Variants in FAF1 observed in about 807,000 individuals in gnomAD.
The protein encoded by FAF1 is FAS-associated factor 1.
Under a neutral mutation model 92.5 loss-of-function variants are expected in FAF1, and 25 were observed. The observed-to-expected ratio is 0.27, with a 90% CI of 0.20 to 0.38. FAF1 has a LOEUF of 0.38. Among genes scored for constraint, FAF1 ranks in the 10% least tolerant of loss-of-function variants. The probability of loss-of-function intolerance (pLI) is 1.00; values close to 1 mark genes in which losing one functional copy is unlikely to be tolerated. For synonymous variants in FAF1, 234 were observed against 273.2 expected, an observed-to-expected ratio of 0.86 and a Z score of 1.42; for missense variants, 636 against 793.3, an observed-to-expected ratio of 0.80 and a Z score of 2.38.
At chr1:50,474,110 T>C (rs1055794780) in intron 18 of FAF1, among the ~76,000 whole-genome samples, 4 of 152,234 alleles carry the variant, frequency 2.6e-5, no homozygotes, top group Non-Finnish European at 4.4e-5. Context: ...ATTCCTTTCT[T>C]AGAAAATGCT....
At chr1:50,759,212 C>T (rs1660213387) in intron 4 of FAF1, among the ~76,000 whole-genome samples, 1 of 151,826 alleles carries the variant, frequency 6.6e-6, no homozygotes, top group Admixed American at 6.6e-5. Flanking sequence ...AGGTTAGTTA[C>T]ATATGTATAC....
rs939192833 is a variant in FAF1 at position 50,596,139 on chromosome 1, G to C, written c.822C>G (p.Thr274=). Residue 274 remains threonine (T), a synonymous_variant, in exon 9 of 19, where the codon ACC becomes ACG. Transcript: ENST00000396153. The part of the protein sequence containing the change: ...TVGRRSSPAQ[T]REQSEEQITD... ...GGCTTACTTCTTCCGACTGTTCCCG[G>C]GTCTGTGCAGGTGAAGATCTTCTTC... The C allele has an allele frequency of 3.7e-6, 6 of 1,613,702 alleles. No individual in the cohort carries two copies. The highest frequency in any genetic ancestry group is 4.2e-6 in the Non-Finnish European group (5 of 1,179,700).
At chr1:50,574,896 C>CTGTTTTTTTTTTGTTT (rs1558000811) in intron 12 of FAF1, among the ~76,000 whole-genome samples, 3 of 122,886 alleles carry the variant, frequency 2.4e-5, no homozygotes, top group South Asian at 2.7e-4. Flanking sequence ...GTTGTATTAA[C>CTGTTTTTTTTTTGTTT]TCTTTTTTTT....
chr1:50,957,500 C>T (rs530153806), intron 1 of FAF1, among the ~76,000 whole-genome samples: 114 of 151,864 alleles, frequency 7.5e-4, no homozygotes, highest in African/African-American at 2.5e-3. Context: ...TACAGGCGCC[C>T]GCCACCTCGA....
chr1:50,679,446 G>GAA (rs750339675), intron 7 of FAF1, among the ~76,000 whole-genome samples: 3 of 127,980 alleles, frequency 2.3e-5, no homozygotes, highest in Admixed American at 8.1e-5. Context: ...CTTCACAGAT[G>GAA]AAAAAAAAAA....
chr1:50,622,255 T>G (rs1246817736), intron 8 of FAF1, among the ~76,000 whole-genome samples: 1 of 152,074 alleles, frequency 6.6e-6, no homozygotes, highest in Non-Finnish European at 1.5e-5. Context: ...GTAGCTAGGC[T>G]GGTCTGTGGC....
At chr1:50,450,289 T>C (rs975234061) in intron 18 of FAF1, among the ~76,000 whole-genome samples, 2 of 152,104 alleles carry the variant, frequency 1.3e-5, no homozygotes, top group African/African-American at 4.8e-5. Flanking sequence ...GTCCCAACAA[T>C]TCTATGAGAT....
intron 18 of FAF1, among the ~76,000 whole-genome samples, chr1:50,463,298 G>A (rs547256799): frequency 9.1e-4 from 139 of 152,204 alleles, no homozygotes; most frequent in Non-Finnish European, 1.6e-3. Context: ...GGAAGGTTGT[G>A]CCTGGTTTCC....
chr1:50,591,885 C>T (rs1415978403), intron 9 of FAF1, among the ~76,000 whole-genome samples: 1 of 152,036 alleles, frequency 6.6e-6, no homozygotes, highest in Non-Finnish European at 1.5e-5. Flanking sequence ...AATATGATTC[C>T]TTTGATTCTT....
intron 7 of FAF1, among the ~76,000 whole-genome samples, chr1:50,657,671 C>T (rs531922592): frequency 9.8e-4 from 149 of 152,326 alleles, no homozygotes; most frequent in African/African-American, 3.1e-3. Flanking sequence ...CCAATTATAG[C>T]ATTTTGTTTT....
chr1:50,499,059 T>A lies in FAF1; in HGVS notation c.1495-7258A>T, dbSNP rs547081587. 1.2e-4 allele frequency among the ~76,000 whole-genome samples: 19 copies of A among 152,320 alleles called. No homozygotes were observed. In the South Asian group the frequency reaches 3.9e-3, roughly 32 times the overall value. On this transcript the variant is annotated intron_variant, in intron 15 of 18. Coordinates refer to ENST00000396153, the MANE Select transcript of FAF1 (RefSeq NM_007051.3). Reference sequence around the variant, plus strand: ...TATTTAGCTATAAAAAGATTTTAAATTCTTATATCTACTATAACATAGATG... The same window carrying A: ...TATTTAGCTATAAAAAGATTTTAAAATCTTATATCTACTATAACATAGATG...
chr1:50,867,809 T>G (rs1165341504), intron 1 of FAF1, among the ~76,000 whole-genome samples: 1 of 152,156 alleles, frequency 6.6e-6, no homozygotes, highest in Non-Finnish European at 1.5e-5. Flanking sequence ...CATCATTTTA[T>G]CCAGCAATCC....
At chr1:50,455,930 G>A (rs1199739725) in intron 18 of FAF1, among the ~76,000 whole-genome samples, 4 of 152,060 alleles carry the variant, frequency 2.6e-5, no homozygotes, top group Admixed American at 1.3e-4. Flanking sequence ...TAAATTAGCC[G>A]GGCAGTAGAT....
chr1:50,744,553 T>A, intron 5 of FAF1, 131 bp downstream of exon 5: 1 of 643,966 alleles, frequency 1.6e-6, no homozygotes, highest in Non-Finnish European at 2.7e-6. Context: ...GCTGATTCCT[T>A]AAACTAAATT....
At chr1:50,643,333 T>C (rs867716583) in intron 8 of FAF1, among the ~76,000 whole-genome samples, 1 of 148,610 alleles carries the variant, frequency 6.7e-6, no homozygotes, top group Non-Finnish European at 1.5e-5. Flanking sequence ...TCCATTCTGG[T>C]TTTTTTTTTG....
chr1:50,766,032 C>A (rs985317146), intron 4 of FAF1, among the ~76,000 whole-genome samples: 2 of 152,012 alleles, frequency 1.3e-5, no homozygotes, highest in African/African-American at 4.8e-5. Context: ...GCGCAGGGTG[C>A]AGTGAGCCGA....
At chr1:50,705,346 G>T (rs566875731) in intron 7 of FAF1, among the ~76,000 whole-genome samples, 186 of 152,320 alleles carry the variant, frequency 1.2e-3, no homozygotes, top group African/African-American at 4.3e-3. Context: ...CTGCCCAAGG[G>T]CAGGATGGAG....
At chr1:50,603,934 C>T (rs1031622852) in intron 8 of FAF1, among the ~76,000 whole-genome samples, 1 of 152,212 alleles carries the variant, frequency 6.6e-6, no homozygotes, top group Non-Finnish European at 1.5e-5. Flanking sequence ...AAACTGTGTT[C>T]TCTGCCTGGC....
intron 7 of FAF1, among the ~76,000 whole-genome samples, chr1:50,691,820 C>T (rs2124394057): frequency 6.6e-6 from 1 of 152,282 alleles, no homozygotes; most frequent in African/African-American, 2.4e-5. Context: ...CGTGCCTGGC[C>T]ATTTTTCTTT....
Sources: allele counts gnomAD v4.1 joint callset (sites outside exome capture counted in the v4.1 genomes callset), GRCh38; gene constraint gnomAD v4.1.1; transcripts MANE v1.5; gene names NCBI Gene and HGNC (gene_info 2026-07-23, HGNC 2026-07-21).